LRP8: variants seen among roughly 807,000 people sequenced by gnomAD.
LRP8 encodes low-density lipoprotein receptor-related protein 8.
Under a neutral mutation model 111.6 loss-of-function variants are expected in LRP8, and 46 were observed. The ratio of observed to expected loss-of-function variants is 0.41; its 90% CI spans 0.33 to 0.53. The LOEUF is 0.53. LRP8 is among the 20% of genes least tolerant of loss of function. LRP8 has a pLI of 0.20. For synonymous variants in LRP8, 464 were observed against 511.2 expected (o/e 0.91, Z 1.24); for missense variants, 959 against 1,297.4 (o/e 0.74, Z 4.01).
At chr1:53,298,218 T>G (rs1650113163) in intron 2 of LRP8, among the ~76,000 whole-genome samples, 1 of 152,182 alleles carries the variant, frequency 6.6e-6, no homozygotes, top group Non-Finnish European at 1.5e-5. Context: ...GCCCAAGCCC[T>G]TGCTGGGGTA....
In LRP8 at chr1:53,264,294, G is replaced by A. The variant is rs769258402; in HGVS notation, c.1530C>T (p.His510=). Residue 510 remains histidine, a synonymous_variant, in exon 10 of 19, where the codon CAC becomes CAT. Transcript: ENST00000306052. ...TATTGCCCGAGTCAGTCCAGTAGAT[G>A]TGCTTGTGGACCCAGTCCACTGCCA... ...EGLAVDWVHK[H]IYWTDSGNKT... 1 of 1,614,184 alleles carries A rather than the reference G, an allele frequency of 6.2e-7. No individual in the cohort carries two copies. The highest frequency in any genetic ancestry group is 8.5e-7 in the Non-Finnish European group (1 of 1,180,004).
At chr1:53,257,488 T>C in intron 14 of LRP8, 24 bp from the exon 15 acceptor site, 1 of 1,585,264 alleles carries the variant, frequency 6.3e-7, no homozygotes, top group South Asian at 1.1e-5. Context: ...ACCATGGAGG[T>C]CACTTGGACA....
Position 53,266,108 on chromosome 1 carries a change from A to G in LRP8, c.1427+365T>C, listed in dbSNP as rs966317538. Among the ~76,000 whole-genome samples the G allele has an allele frequency of 1.3e-5, 2 of 152,166 alleles. No homozygotes were observed. The highest frequency in any genetic ancestry group is 1.9e-4 in the East Asian group (1 of 5,184). On this transcript the variant is annotated intron_variant, in intron 9 of 18. Coordinates refer to ENST00000306052, the MANE Select transcript of LRP8 (RefSeq NM_004631.5). The surrounding 1 kb of genome is among the most constrained non-coding windows in gnomAD (Gnocchi z 5.0). ...GATCCTCTGGGCAGGGACCAGGTCT[A>G]AGTCCCCAGGTTCCAACACACAGGG...
chr1:53,259,759 A>C (rs1646258265), intron 13 of LRP8, among the ~76,000 whole-genome samples: 1 of 152,100 alleles, frequency 6.6e-6, no homozygotes, highest in Non-Finnish European at 1.5e-5. Flanking sequence ...GATAGAACTT[A>C]AATTGAGGTC....
intron 2 of LRP8, among the ~76,000 whole-genome samples, chr1:53,314,786 ATGC>A (rs949941117): frequency 6.6e-6 from 1 of 152,182 alleles, no homozygotes; most frequent in Non-Finnish European, 1.5e-5. Context: ...CCTAATGAAG[ATGC>A]TGCCCACAGC....
intron 15 of LRP8, 69 bp downstream of exon 15, chr1:53,257,171 C>T: frequency 2.8e-6 from 4 of 1,431,868 alleles, no homozygotes; most frequent in Non-Finnish European, 3.9e-6. Context: ...TGTCTTATCA[C>T]ATACCCCCTT....
chr1:53,285,873 C>A (rs1200228044), intron 3 of LRP8, among the ~76,000 whole-genome samples: 1 of 152,170 alleles, frequency 6.6e-6, no homozygotes, highest in Non-Finnish European at 1.5e-5. Flanking sequence ...GTCTCTCAGA[C>A]AACAGGAACC....
intron 3 of LRP8, chr1:53,289,340 T>G (rs1253611363): frequency 2.2e-6 from 1 of 460,664 alleles, no homozygotes; most frequent in Non-Finnish European, 3.7e-6. Context: ...TGTTTCTAGC[T>G]CCTGCTGCCA....
chr1:53,256,696 C>T (rs1646100802), intron 15 of LRP8, among the ~76,000 whole-genome samples: 1 of 152,248 alleles, frequency 6.6e-6, no homozygotes, highest in Non-Finnish European at 1.5e-5. Flanking sequence ...ACAATTACTG[C>T]TCCCAATGAT....
At chr1:53,310,025 T>C (rs1572658719) in intron 2 of LRP8, among the ~76,000 whole-genome samples, 1 of 152,112 alleles carries the variant, frequency 6.6e-6, no homozygotes, top group Admixed American at 6.5e-5. Context: ...GGACTGACCT[T>C]TCCTGTCAGT....
rs1487921803 is a variant in LRP8, at chr1:53,249,259, C to T, written c.2853+121G>A. On this transcript the variant is annotated intron_variant, in intron 18 of 18. Transcript: ENST00000306052. The surrounding 1 kb of genome is among the most constrained non-coding windows in gnomAD (Gnocchi z 4.1). ...ACTAACCCATTTTTCTTCTTTGCCC[C>T]AACACCCAGCTTACAATTTGCAGCC... 1.8e-6 allele frequency: 2 copies of T among 1,082,568 alleles called. No individual in the cohort carries two copies. Among genetic ancestry groups the T allele is most frequent in the Non-Finnish European group, 2.7e-6 (2 of 752,732 alleles). 67.1% of individuals were successfully genotyped at this position (1,082,568 alleles called of 1,614,324 possible).
chr1:53,316,919 G>A (rs556651568), intron 2 of LRP8, among the ~76,000 whole-genome samples: 35 of 152,272 alleles, frequency 2.3e-4, no homozygotes, highest in African/African-American at 2.9e-4. Flanking sequence ...TCCCCACCAC[G>A]ACGGCCTGGT....
chr1:53,275,616 C>G lies in LRP8; in HGVS notation c.1006+15G>C. The stretch of plus-strand genomic sequence containing the variant: ...TCCTCACAGAGGATGTGTTCTGTGC[C>G]CTGACCACACGCACCCTGTAGGCAG... On this transcript the variant is annotated intron_variant, in intron 6 of 18. Coordinates refer to ENST00000306052, the MANE Select transcript of LRP8 (RefSeq NM_004631.5). The surrounding 1 kb of genome is among the most constrained non-coding windows in gnomAD (Gnocchi z 4.4). 2 of 1,613,722 alleles carry G rather than the reference C, an allele frequency of 1.2e-6. No homozygotes were observed. Among genetic ancestry groups the G allele is most frequent in the Non-Finnish European group, 1.7e-6 (2 of 1,179,830 alleles).
intron 2 of LRP8, among the ~76,000 whole-genome samples, chr1:53,311,755 C>A (rs145347213): frequency 8.9e-4 from 135 of 152,326 alleles, no homozygotes; most frequent in African/African-American, 3.2e-3. Context: ...AGTGACCCCA[C>A]TCGTAACCAC....
chr1:53,327,326 C>T, intron 1 of LRP8: 1 of 288,466 alleles, frequency 3.5e-6, no homozygotes, highest in Non-Finnish European at 6.5e-6. Context: ...CGCCCGCGCG[C>T]CAGGCGCAGT....
chr1:53,245,297 A>C lies in LRP8; in HGVS notation c.*1721T>G, dbSNP rs1349812862. The C allele has an allele frequency of 6.6e-6, 1 of 152,184 alleles. No homozygotes were observed. The highest frequency in any genetic ancestry group is 1.5e-5 in the Non-Finnish European group (1 of 68,036). The allele number at this position is 152,184 out of a possible 1,614,324, so 9.4% of individuals were successfully genotyped here. On this transcript the variant is annotated 3_prime_UTR_variant, in exon 19 of 19. Coordinates refer to ENST00000306052, the MANE Select transcript of LRP8 (RefSeq NM_004631.5). Reference sequence around the variant, plus strand: ...GATGCAGCTCCTCTGCTCCTACTTAAGTCAAACACTTCCATGTTGCACCTT... The same window carrying C: ...GATGCAGCTCCTCTGCTCCTACTTACGTCAAACACTTCCATGTTGCACCTT...
chr1:53,257,046 C>A (rs1009174173), intron 15 of LRP8, among the ~76,000 whole-genome samples, 194 bp downstream of exon 15: 4 of 152,168 alleles, frequency 2.6e-5, no homozygotes, highest in Non-Finnish European at 5.9e-5. Flanking sequence ...TCCTACAAGA[C>A]CCTCTGTAAG....
At chr1:53,255,062 C>T in intron 16 of LRP8, 55 bp downstream of exon 16, 2 of 1,580,556 alleles carry the variant, frequency 1.3e-6, no homozygotes, top group Non-Finnish European at 1.7e-6. Context: ...AGCGCTCTTC[C>T]CTAGGCCTAA....
rs910484815 is a variant in LRP8, at chr1:53,266,976, C to T, written c.1253-329G>A. The T allele has an allele frequency of 3.5e-5, 9 of 254,652 alleles. No individual in the cohort carries two copies. Among genetic ancestry groups the T allele is most frequent in the Admixed American group, 1.8e-4 (4 of 21,898 alleles). The allele number at this position is 254,652 out of a possible 1,614,324, so 15.8% of individuals were successfully genotyped here. A position where few individuals can be genotyped will look rare whatever the true frequency, so the allele number is the denominator to read the frequency against. ...AAGTTCCCTGTCCAGCCTCATTACT[C>T]GCCTCTCCAACATAGCTTGATTCCA... On this transcript the variant is annotated intron_variant, in intron 8 of 18. Coordinates refer to ENST00000306052, the MANE Select transcript of LRP8 (RefSeq NM_004631.5). The surrounding 1 kb of genome is among the most constrained non-coding windows in gnomAD (Gnocchi z 5.0).
Sources: allele counts gnomAD v4.1 joint callset (sites outside exome capture counted in the v4.1 genomes callset), GRCh38; gene constraint gnomAD v4.1.1; non-coding constraint Gnocchi (gnomAD v3.1); transcripts MANE v1.5; gene names NCBI Gene and HGNC (gene_info 2026-07-23, HGNC 2026-07-21).